Variants in MRAP2 observed in about 807,000 individuals in gnomAD.
MRAP2 encodes melanocortin-2 receptor accessory protein 2.
MRAP2 carries 20 observed loss-of-function variants against 17.4 expected under a neutral mutation model. The observed-to-expected ratio is 1.15, with a 90% CI of 0.81 to 1.67. MRAP2 has a LOEUF of 1.67. MRAP2 is among the 40% of genes most tolerant of loss of function. The pLI is 0.00. For synonymous variants in MRAP2, 96 were observed against 88.4 expected (o/e 1.09, Z -0.48); for missense variants, 238 against 240.0 (o/e 0.99, Z 0.05).
the MRAP2 span, among the ~76,000 whole-genome samples, chr6:84,097,563 T>A: frequency 2.0e-4 from 31 of 152,296 alleles, no homozygotes; most frequent in African/African-American, 7.0e-4. Context: ...AAAATGTATT[T>A]AGTATATTTC....
At chr6:84,137,210 G>A in the MRAP2 span, among the ~76,000 whole-genome samples, 8 of 152,164 alleles carry the variant, frequency 5.3e-5, no homozygotes, top group African/African-American at 1.4e-4. Context: ...AGAGAAATGC[G>A]TCATGCTGCC....
At chr6:84,128,189 G>A in the MRAP2 span, among the ~76,000 whole-genome samples, 1 of 151,980 alleles carries the variant, frequency 6.6e-6, no homozygotes, top group Non-Finnish European at 1.5e-5. Flanking sequence ...AACATTCATT[G>A]GTAAATCACA....
intron 3 of MRAP2, among the ~76,000 whole-genome samples, chr6:84,065,901 CT>C: frequency 6.6e-6 from 1 of 152,196 alleles, no homozygotes; most frequent in East Asian, 1.9e-4. Context: ...AGGACACTGC[CT>C]TTGGACTGTC....
the MRAP2 span, among the ~76,000 whole-genome samples, chr6:84,128,055 A>T: frequency 6.6e-6 from 1 of 152,230 alleles, no homozygotes; most frequent in Non-Finnish European, 1.5e-5. Context: ...TAAGCTTCAT[A>T]AGAGCAAAGA....
the MRAP2 span, among the ~76,000 whole-genome samples, chr6:84,117,956 G>A: frequency 2.0e-5 from 3 of 152,174 alleles, no homozygotes; most frequent in Non-Finnish European, 4.4e-5. Flanking sequence ...TAGGAGGAAC[G>A]GGATCAGGGA....
intron 3 of MRAP2, 110 bp downstream of exon 3, chr6:84,063,102 G>A: frequency 1.3e-6 from 2 of 1,537,308 alleles, no homozygotes; most frequent in East Asian, 2.4e-5. Context: ...GAAGGGGGTG[G>A]TTATAGATTT....
chr6:84,052,822 G>T, intron 1 of MRAP2: 1 of 984,832 alleles, frequency 1.0e-6, no homozygotes, highest in Non-Finnish European at 1.2e-6. Context: ...CTCAGTGTTT[G>T]TCAGAGCTTT....
the MRAP2 span, among the ~76,000 whole-genome samples, chr6:84,117,923 C>A: frequency 1.3e-5 from 2 of 152,124 alleles, no homozygotes; most frequent in Non-Finnish European, 2.9e-5. Flanking sequence ...GCTGGAGAAC[C>A]CTATTGGAAG....
the MRAP2 span, among the ~76,000 whole-genome samples, chr6:84,135,602 C>T: frequency 6.6e-6 from 1 of 151,528 alleles, no homozygotes; most frequent in Non-Finnish European, 1.5e-5. Flanking sequence ...GTGGCTCACG[C>T]CTGTAATCCC....
chr6:84,138,342 T>C, the MRAP2 span, among the ~76,000 whole-genome samples: 1 of 152,216 alleles, frequency 6.6e-6, no homozygotes, highest in African/African-American at 2.4e-5. Context: ...GTCCAGTTTA[T>C]TGCCTGGAGG....
chr6:84,104,130 TG>T, the MRAP2 span, among the ~76,000 whole-genome samples: 1 of 152,190 alleles, frequency 6.6e-6, no homozygotes, highest in Non-Finnish European at 1.5e-5. Flanking sequence ...TTGTATTATT[TG>T]GGTAGCTGTG....
rs1387691833 is a variant in MRAP2 at position 84,080,717 on chromosome 6, G to T, written c.228-8374G>T. ...TTCTGTTAGGAGTTGTACTTCTGAA[G>T]AATTTTAACAAGTAACAGGTACAAA... On this transcript the variant is annotated intron_variant, in intron 3 of 3. Coordinates refer to ENST00000257776, the MANE Select transcript of MRAP2 (RefSeq NM_138409.4). Among the ~76,000 whole-genome samples the T allele has an allele frequency of 2.6e-5, 4 of 152,302 alleles. No homozygotes were observed. The East Asian group carries it at 7.7e-4, about 29-fold the overall frequency.
chr6:84,062,174 G>T (rs1175733443), intron 2 of MRAP2: 2 of 912,896 alleles, frequency 2.2e-6, no homozygotes, highest in Non-Finnish European at 2.6e-6. Context: ...GCATTCTTAG[G>T]TATGAGCTGT....
the MRAP2 span, chr6:84,126,231 T>A: frequency 1.9e-6 from 1 of 522,080 alleles, no homozygotes; most frequent in Non-Finnish European, 3.0e-6. Context: ...CTGGTAAAAG[T>A]TATAAATTTA....
the MRAP2 span, among the ~76,000 whole-genome samples, chr6:84,114,776 G>C: frequency 6.6e-6 from 1 of 152,142 alleles, no homozygotes; most frequent in African/African-American, 2.4e-5. Context: ...CGTCCTTTCT[G>C]TTGATGTTGA....
In MRAP2 at chr6:84,089,739, C is replaced by T. The variant is rs761582588; in HGVS notation, c.*258C>T. 22 of 419,732 alleles carry T rather than the reference C, an allele frequency of 5.2e-5. No homozygotes were observed. The highest frequency in any genetic ancestry group is 6.4e-4 in the Middle Eastern group (1 of 1,574). The allele number at this position is 419,732 out of a possible 1,614,324, so 26.0% of individuals were successfully genotyped here. ...GTATTTACACCAAGCTTGTCCAACC[C>T]GTGGCATGTGTCCCAGGACAGCTTT... On this transcript the variant is annotated 3_prime_UTR_variant, in exon 4 of 4. Coordinates refer to ENST00000257776, the MANE Select transcript of MRAP2 (RefSeq NM_138409.4).
chr6:84,077,037 T>A (rs950380737), intron 3 of MRAP2, among the ~76,000 whole-genome samples: 3 of 152,194 alleles, frequency 2.0e-5, no homozygotes, highest in Admixed American at 1.3e-4. Context: ...TACATGGTAT[T>A]TCATAAAGTG....
Position 84,066,004 on chromosome 6 carries a change from AACACAC to A in MRAP2, c.227+3042_227+3047del, listed in dbSNP as rs10684117. On this transcript the variant is annotated intron_variant, in intron 3 of 3. Transcript: ENST00000257776. ...CTTAAAATAAAACTCTCTCTTTATA[AACACAC>A]ACACACACACACACACACACACACA... Among the ~76,000 whole-genome samples the A allele has an allele frequency of 2.5e-4, 36 of 142,512 alleles. No individual in the cohort carries two copies. In the East Asian group the frequency reaches 3.3e-3, roughly 13 times the overall value. The allele number at this position is 142,512 out of a possible 152,430, so 93.5% of individuals were successfully genotyped here.
chr6:84,055,390 A>G lies in MRAP2; in HGVS notation c.72A>G (p.Glu24=), dbSNP rs751498535. 20 of 1,613,572 alleles carry G rather than the reference A, an allele frequency of 1.2e-5. No individual in the cohort carries two copies. Among genetic ancestry groups the G allele is most frequent in the Non-Finnish European group, 1.7e-5 (20 of 1,179,736 alleles). Reference sequence around the variant, plus strand: ...CATCTAATTCTGATTACACCTGGGAATATGAATATTATGAGATTGGACCAG... The same window carrying G: ...CATCTAATTCTGATTACACCTGGGAGTATGAATATTATGAGATTGGACCAG... ...QSASNSDYTW[E]YEYYEIGPVS... is the part of the protein sequence containing the mutation. Residue 24 remains glutamate, a synonymous_variant, in exon 2 of 4, where the codon GAA becomes GAG. Transcript: ENST00000257776.
Sources: gnomAD v4.1 joint callset for allele counts (sites outside exome capture counted in the v4.1 genomes callset) on GRCh38, gnomAD v4.1.1 for gene constraint, MANE v1.5 for transcripts, NCBI Gene and HGNC (gene_info 2026-07-23, HGNC 2026-07-21) for gene names.